The following USP25 variants were observed in gnomAD, a reference collection of about 807,000 sequenced individuals.
The protein encoded by USP25 is ubiquitin specific peptidase 25.
A neutral mutation model predicts 158.5 loss-of-function variants in USP25; 85 were observed. The observed-to-expected ratio is 0.54, with a 90% CI of 0.45 to 0.64. The LOEUF (loss-of-function observed/expected upper bound fraction) is 0.64, where lower values mean the gene tolerates loss of function less well. USP25 is among the 30% of genes least tolerant of loss of function. USP25 has a pLI of 0.00. For missense variants in USP25, 1,242 were observed against 1,327.3 expected, an observed-to-expected ratio of 0.94 and a Z score of 1.00; for synonymous variants, 464 against 460.4, an observed-to-expected ratio of 1.01 and a Z score of -0.10.
chr21:15,807,607 G>A (rs2036456845), intron 7 of USP25, among the ~76,000 whole-genome samples: 1 of 152,178 alleles, frequency 6.6e-6, no homozygotes, highest in Non-Finnish European at 1.5e-5. Flanking sequence ...GGCTGTTGGT[G>A]TTCCTTGCCT....
intron 1 of USP25, among the ~76,000 whole-genome samples, chr21:15,750,196 GTGTGTGTGTGTGTGTATGT>G (rs1472737926): frequency 4.2e-5 from 6 of 142,122 alleles, no homozygotes; most frequent in Admixed American, 1.4e-4. Context: ...GTGTGTGTGT[GTGTGTGTGTGTGTGTATGT>G]TTTTTTTTTT....
intron 4 of USP25, among the ~76,000 whole-genome samples, chr21:15,785,617 CA>C (rs1246495518): frequency 4.6e-5 from 7 of 151,942 alleles, no homozygotes; most frequent in Admixed American, 4.6e-4. Flanking sequence ...TTCCCTGGGA[CA>C]AAGGAGCGTG....
At chr21:15,825,177 T>G in intron 12 of USP25, 116 bp downstream of exon 12, 1 of 696,164 alleles carries the variant, frequency 1.4e-6, no homozygotes, top group South Asian at 2.1e-5. Context: ...TAGTTAATAT[T>G]GTGTGAATAG....
intron 5 of USP25, among the ~76,000 whole-genome samples, chr21:15,792,378 A>C (rs917368909): frequency 6.6e-6 from 1 of 151,702 alleles, no homozygotes; most frequent in African/African-American, 2.4e-5. Context: ...TCAGATTGCA[A>C]AACTTTAAAA....
At chr21:15,803,318 C>T (rs2183553) in intron 6 of USP25, among the ~76,000 whole-genome samples, 2 of 151,604 alleles carry the variant, frequency 1.3e-5, no homozygotes, top group Non-Finnish European at 3.0e-5. Context: ...AACCACACAC[C>T]AATATTTCTC....
intron 24 of USP25, chr21:15,876,102 T>C (rs2146613277): frequency 6.6e-6 from 1 of 152,312 alleles, no homozygotes; most frequent in African/African-American, 2.4e-5. Context: ...TACTAGTTTT[T>C]CGTTTAATAT....
chr21:15,754,507 T>C (rs995327292), intron 1 of USP25, among the ~76,000 whole-genome samples: 14 of 152,244 alleles, frequency 9.2e-5, no homozygotes, highest in African/African-American at 3.4e-4. Context: ...TTGTCGTCTT[T>C]GGATTTACCT....
chr21:15,799,860 T>C lies in USP25; in HGVS notation c.642+17T>C. Reference sequence around the variant, plus strand: ...AACCAAAAGGTAAAATTCAAAAGATTTTTTTAAGCAGTATATATACTCTAT... The same window carrying C: ...AACCAAAAGGTAAAATTCAAAAGATCTTTTTAAGCAGTATATATACTCTAT... On this transcript the variant is annotated intron_variant, in intron 6 of 25. Coordinates refer to ENST00000400183, the MANE Select transcript of USP25 (RefSeq NM_001283041.3). The C allele has an allele frequency of 6.3e-7, 1 of 1,586,238 alleles. No individual in the cohort carries two copies. Among genetic ancestry groups the C allele is most frequent in the East Asian group, 2.2e-5 (1 of 44,524 alleles).
At chr21:15,814,090 C>T (rs371219244) in intron 9 of USP25, among the ~76,000 whole-genome samples, 1 of 149,722 alleles carries the variant, frequency 6.7e-6, no homozygotes, top group Non-Finnish European at 1.5e-5. Flanking sequence ...TCTTCCATGG[C>T]GGCGACAAGA....
At position 15,875,254 on chromosome 21, in the gene USP25, A is replaced by C. The variant is rs117782162; in HGVS notation, c.3009+728A>C. 1.3e-3 allele frequency among the ~76,000 whole-genome samples: 205 copies of C among 152,314 alleles called. 1 individual carries two copies. Among genetic ancestry groups the C allele is most frequent in the Non-Finnish European group, 2.1e-3 (146 of 68,028 alleles). ...AAAAATTGAATTTTCAGGTACAAGA[A>C]TAGTATAGCTGACTTTAAACATACA... On this transcript the variant is annotated intron_variant, in intron 24 of 25. Transcript: ENST00000400183. The surrounding 1 kb of genome is among the most constrained non-coding windows in gnomAD (Gnocchi z 4.7).
chr21:15,826,726 G>C lies in USP25; in HGVS notation c.1467-251G>C, dbSNP rs1270621555. On this transcript the variant is annotated intron_variant, in intron 13 of 25. Transcript: ENST00000400183. The surrounding 1 kb of genome is among the most constrained non-coding windows in gnomAD (Gnocchi z 4.8). ...AAGCCAGGGAAAATAATATCACCATGCGTAAGATTTTCTTGTTTTTTAGAA... is the reference window on the plus strand; with the variant it reads ...AAGCCAGGGAAAATAATATCACCATCCGTAAGATTTTCTTGTTTTTTAGAA... Among the ~76,000 whole-genome samples the C allele has an allele frequency of 6.6e-6, 1 of 152,106 alleles. No individual in the cohort carries two copies. Among genetic ancestry groups the C allele is most frequent in the African/African-American group, 2.4e-5 (1 of 41,404 alleles).
chr21:15,745,265 G>T (rs2032441655), intron 1 of USP25, among the ~76,000 whole-genome samples: 2 of 151,842 alleles, frequency 1.3e-5, no homozygotes, highest in Non-Finnish European at 2.9e-5. Context: ...TTCTTAGTTG[G>T]GTTATCTTCT....
chr21:15,797,068 C>T lies in USP25; in HGVS notation c.556-2689C>T, dbSNP rs941851963. 1.4e-4 allele frequency among the ~76,000 whole-genome samples: 21 copies of T among 151,464 alleles called. No individual in the cohort carries two copies. In the South Asian group the frequency reaches 1.4e-3, roughly 10 times the overall value. On this transcript the variant is annotated intron_variant, in intron 5 of 25. Transcript: ENST00000400183. ...CACAACTGAAGAGATAATTAGCCAA[C>T]TGGTAAATTAATCTGGAGAATATTT...
intron 11 of USP25, 79 bp downstream of exon 11, chr21:15,824,245 A>T (rs1021369100): frequency 6.5e-7 from 1 of 1,527,552 alleles, no homozygotes. Flanking sequence ...AAAATTCTGC[A>T]TAATTTTCTT....
intron 9 of USP25, among the ~76,000 whole-genome samples, chr21:15,814,379 C>A (rs2146308599): frequency 6.6e-6 from 1 of 151,888 alleles, no homozygotes; most frequent in Non-Finnish European, 1.5e-5. Flanking sequence ...TGAAAAGATA[C>A]CTGAAAATGT....
intron 11 of USP25, 71 bp from the exon 12 acceptor site, chr21:15,824,895 G>T: frequency 7.9e-7 from 1 of 1,264,920 alleles, no homozygotes; most frequent in Non-Finnish European, 1.1e-6. Context: ...GGCCGGGTAC[G>T]CTGGCATCTG....
intron 20 of USP25, among the ~76,000 whole-genome samples, chr21:15,855,758 A>G (rs1053621979): frequency 2.6e-5 from 4 of 152,170 alleles, no homozygotes; most frequent in Admixed American, 6.5e-5. Context: ...GTGACCACCA[A>G]CTAGGCCAAG....
intron 9 of USP25, among the ~76,000 whole-genome samples, chr21:15,817,187 T>A (rs1240495493): frequency 6.7e-6 from 1 of 149,168 alleles, no homozygotes; most frequent in South Asian, 2.1e-4. Flanking sequence ...AAAAAAAAAA[T>A]AGTAATCATT....
chr21:15,781,124 C>G (rs563119054), intron 4 of USP25, among the ~76,000 whole-genome samples: 2 of 152,284 alleles, frequency 1.3e-5, no homozygotes, highest in East Asian at 3.9e-4. Context: ...ACTGATATCC[C>G]CAGGAAGAGG....
Sources: gnomAD v4.1 joint callset for allele counts (sites outside exome capture counted in the v4.1 genomes callset) on GRCh38, gnomAD v4.1.1 for gene constraint, Gnocchi (gnomAD v3.1) non-coding constraint, MANE v1.5 for transcripts, NCBI Gene and HGNC (gene_info 2026-07-23, HGNC 2026-07-21) for gene names.